Variants in CCDC146 observed in about 807,000 individuals in gnomAD.
CCDC146 encodes the protein coiled-coil domain containing 146, also known as coiled-coil domain-containing protein 146.
Under a neutral mutation model 119.3 loss-of-function variants are expected in CCDC146, and 92 were observed. That is an observed-to-expected ratio of 0.77 (90% CI 0.65 to 0.92). CCDC146 has a LOEUF of 0.92. Among genes scored for constraint, CCDC146 ranks in the 40% least tolerant of loss-of-function variants. CCDC146 has a pLI of 0.00. For missense variants in CCDC146, 1,000 were observed against 1,103.0 expected (o/e 0.91, Z 1.32); for synonymous variants, 372 against 371.8 (o/e 1.00, Z -0.01).
chr7:77,201,360 G>A (rs1301187028), intron 2 of CCDC146, among the ~76,000 whole-genome samples: 2 of 149,828 alleles, frequency 1.3e-5, no homozygotes, highest in Non-Finnish European at 3.0e-5. Flanking sequence ...TGGCCAACAT[G>A]GTGAAACCCC....
In CCDC146 at chr7:77,196,050, A is replaced by G; in HGVS notation, c.156+28226A>G. 3 of 481,904 alleles carry G rather than the reference A, an allele frequency of 6.2e-6. No homozygotes were observed. Among genetic ancestry groups the G allele is most frequent in the East Asian group, 6.3e-5 (2 of 31,968 alleles). 29.9% of individuals were successfully genotyped at this position (481,904 alleles called of 1,614,324 possible). ...TTGTAAATCTAATGTATAATTCTCA[A>G]TATTGCTAATTGCTTGCAAGTGTTC... On this transcript the variant is annotated intron_variant, in intron 2 of 18. Coordinates refer to ENST00000285871, the MANE Select transcript of CCDC146 (RefSeq NM_020879.3). This position sits in a 1 kb window ranked among gnomAD's most constrained non-coding sequence, Gnocchi z 4.2.
At chr7:77,127,996 G>A (rs886889107) in intron 1 of CCDC146, among the ~76,000 whole-genome samples, 4 of 151,706 alleles carry the variant, frequency 2.6e-5, no homozygotes, top group Non-Finnish European at 4.4e-5. Context: ...ATATTTATTT[G>A]GTTCTTTAAA....
chr7:77,294,580 C>T, intron 18 of CCDC146, 83 bp from the exon 19 acceptor site: 1 of 1,346,016 alleles, frequency 7.4e-7, no homozygotes, highest in Non-Finnish European at 1.1e-6. Flanking sequence ...CTGTCCAGAC[C>T]AGCTGTGTCT....
At chr7:77,271,292 G>C (rs993385726) in intron 9 of CCDC146, among the ~76,000 whole-genome samples, 1 of 151,130 alleles carries the variant, frequency 6.6e-6, no homozygotes, top group Non-Finnish European at 1.5e-5. Flanking sequence ...GTGAATGAGA[G>C]ACCGGCCTAG....
At chr7:77,151,801 T>C (rs1562816761) in intron 1 of CCDC146, among the ~76,000 whole-genome samples, 1 of 152,128 alleles carries the variant, frequency 6.6e-6, no homozygotes, top group African/African-American at 2.4e-5. Context: ...GTCTTAGACA[T>C]AGGTCTCAAT....
chr7:77,259,937 CAAGTGTGTGTGTGTGT>C (rs1793256497), intron 7 of CCDC146, 56 bp from the exon 8 acceptor site: 1 of 901,470 alleles, frequency 1.1e-6, no homozygotes, highest in South Asian at 1.7e-5. Context: ...CAAAATAAGG[CAAGTGTGTGTGTGTGT>C]GTGTGTGTGT....
chr7:77,218,741 T>G (rs1792345624), intron 2 of CCDC146, among the ~76,000 whole-genome samples: 2 of 151,924 alleles, frequency 1.3e-5, no homozygotes, highest in Non-Finnish European at 2.9e-5. Flanking sequence ...TGCCATTTTT[T>G]TTTATTTTTT....
At chr7:77,180,181 ACCCATATGTATGTACCATATATATGC>A in intron 2 of CCDC146, among the ~76,000 whole-genome samples, 1 of 144,692 alleles carries the variant, frequency 6.9e-6, no homozygotes, top group East Asian at 2.0e-4. Context: ...ATATATATGC[ACCCATATGTATGTACCATATATATGC>A]ACCCATATGT....
intron 1 of CCDC146, among the ~76,000 whole-genome samples, chr7:77,133,734 T>C (rs1312394589): frequency 6.6e-6 from 1 of 150,628 alleles, no homozygotes; most frequent in Non-Finnish European, 1.5e-5. Context: ...AAATAGCTTC[T>C]GGTTTGGGGT....
Position 77,237,031 on chromosome 7 carries a change from T to G in CCDC146, c.239+2T>G, listed in dbSNP as rs1286564843. The G allele has an allele frequency of 1.9e-6, 3 of 1,611,280 alleles. No individual in the cohort carries two copies. The African/African-American group carries it at 4.0e-5, about 22-fold the overall frequency. ...CTTGCTGCATGACGCCGTGATGAGG[T>G]ATGCAATTTACCAATATGGAGACAT... On this transcript the variant is annotated splice_donor_variant, in intron 3 of 18. Transcript: ENST00000285871. LOFTEE classifies it high-confidence loss of function.
intron 1 of CCDC146, among the ~76,000 whole-genome samples, chr7:77,139,201 C>T (rs1790900131): frequency 6.6e-6 from 1 of 152,050 alleles, no homozygotes; most frequent in South Asian, 2.1e-4. Flanking sequence ...GCTGTCAAGC[C>T]ATAAAAAGAC....
rs920738434 is a variant in CCDC146, at chr7:77,231,394, A to G, written c.157-5553A>G. 2.6e-5 allele frequency among the ~76,000 whole-genome samples: 4 copies of G among 152,220 alleles called. No individual in the cohort carries two copies. In the East Asian group the frequency reaches 5.8e-4, roughly 22 times the overall value. ...ATTGCTAAGATCTACAGTAAGAACA[A>G]ATCTTATCTGTGAATTGTGAAGAAG... On this transcript the variant is annotated intron_variant, in intron 2 of 18. Coordinates refer to ENST00000285871, the MANE Select transcript of CCDC146 (RefSeq NM_020879.3).
intron 4 of CCDC146, among the ~76,000 whole-genome samples, chr7:77,251,879 T>C (rs1209943039): frequency 1.3e-5 from 2 of 152,380 alleles, no homozygotes; most frequent in African/African-American, 2.4e-5. Flanking sequence ...CCGGGCGCAG[T>C]GGCTCACGCC....
chr7:77,256,382 G>A lies in CCDC146; in HGVS notation c.557G>A (p.Arg186His), dbSNP rs748802973. 2.5e-5 allele frequency: 40 copies of A among 1,601,424 alleles called. No individual in the cohort carries two copies. The highest frequency in any genetic ancestry group is 1.7e-4 in the Middle Eastern group (1 of 6,058). ...KILRESTEEL[R>H]KEIMQKKLEI... ...TTGAGAGAAAGCACTGAAGAATTAC[G>A]TAAAGAAATAATGCAGAAGAAATTA... Residue 186 changes from arginine (R) to histidine (H), a missense_variant, in exon 6 of 19, where the codon CGT becomes CAT. This residue lies in a region of CCDC146 where 985 missense variants were observed against 1,045.3 expected (regional missense o/e 0.94). Transcript: ENST00000285871.
intron 11 of CCDC146, among the ~76,000 whole-genome samples, chr7:77,274,889 G>GA (rs1344729792): frequency 1.3e-5 from 2 of 152,128 alleles, no homozygotes; most frequent in Non-Finnish European, 2.9e-5. Flanking sequence ...GGGGTGAGGG[G>GA]AGCGGGGAGG....
At chr7:77,283,852 T>C (rs944086551) in intron 15 of CCDC146, among the ~76,000 whole-genome samples, 4 of 152,204 alleles carry the variant, frequency 2.6e-5, no homozygotes, top group Admixed American at 2.0e-4. Context: ...AATAGCCTCT[T>C]TCAGTTTGCA....
At chr7:77,233,976 T>G (rs1221901817) in intron 2 of CCDC146, among the ~76,000 whole-genome samples, 2 of 152,102 alleles carry the variant, frequency 1.3e-5, no homozygotes, top group Non-Finnish European at 2.9e-5. Flanking sequence ...TTATATTCAT[T>G]TCTGTTTTTT....
chr7:77,256,187 A>G (rs1332567191), intron 5 of CCDC146, 146 bp from the exon 6 acceptor site: 2 of 576,108 alleles, frequency 3.5e-6, no homozygotes, highest in African/African-American at 3.8e-5. Flanking sequence ...GCTTTATGAG[A>G]AATCATTTAA....
At chr7:77,212,284 T>C (rs1279016858) in intron 2 of CCDC146, among the ~76,000 whole-genome samples, 1 of 152,196 alleles carries the variant, frequency 6.6e-6, no homozygotes, top group East Asian at 1.9e-4. Context: ...TTTCCTATTA[T>C]AATAAGAATA....
Sources: gnomAD v4.1 joint callset for allele counts (sites outside exome capture counted in the v4.1 genomes callset) on GRCh38, gnomAD v4.1.1 for gene constraint, gnomAD v4.1.1 regional missense constraint, Gnocchi (gnomAD v3.1) non-coding constraint, MANE v1.5 for transcripts, NCBI Gene and HGNC (gene_info 2026-07-23, HGNC 2026-07-21) for gene names.